The following BIN1 variants were observed in gnomAD, a reference collection of about 807,000 sequenced individuals.
The protein encoded by BIN1 is myc box-dependent-interacting protein 1.
In BIN1, 53 loss-of-function variants were observed where a neutral mutation model predicts 82.0. The observed-to-expected ratio is 0.65, with a 90% confidence interval of 0.52 to 0.81. BIN1 has a LOEUF of 0.81. BIN1 is among the 40% of genes least tolerant of loss of function. BIN1 has a pLI of 0.00. For missense variants in BIN1, 642 were observed against 784.4 expected, an observed-to-expected ratio of 0.82 and a Z score of 2.17; for synonymous variants, 302 against 328.0, an observed-to-expected ratio of 0.92 and a Z score of 0.86.
intron 7 of BIN1, among the ~76,000 whole-genome samples, chr2:127,064,241 G>A (rs529230285): frequency 2.0e-5 from 3 of 152,336 alleles, no homozygotes; most frequent in African/African-American, 2.4e-5. Flanking sequence ...CTGAGCAGCC[G>A]TTGCCAAAGA....
Position 127,068,022 on chromosome 2 carries a change from CAGA to C in BIN1, c.612+138_612+140del. On this transcript the variant is annotated intron_variant, in intron 7 of 18. Transcript: ENST00000316724. The surrounding 1 kb of genome is among the most constrained non-coding windows in gnomAD (Gnocchi z 4.9). ...ATTTGACTTCAGGTCTCCTCTGAAG[CAGA>C]GCTCTCCCAGCAGAGGCCTTTGAAA... The C allele has an allele frequency of 1.2e-6, 1 of 859,682 alleles. No individual in the cohort carries two copies. The highest frequency in any genetic ancestry group is 1.7e-5 in the African/African-American group (1 of 59,902). 53.3% of individuals were successfully genotyped at this position (859,682 alleles called of 1,614,324 possible). A position where few individuals can be genotyped will look rare whatever the true frequency, so the allele number is the denominator to read the frequency against.
intron 10 of BIN1, among the ~76,000 whole-genome samples, chr2:127,061,662 C>G (rs906965704): frequency 1.3e-5 from 2 of 152,170 alleles, no homozygotes; most frequent in African/African-American, 2.4e-5. Flanking sequence ...AGAGGATGCT[C>G]GTGTGGTTGA....
intron 1 of BIN1, among the ~76,000 whole-genome samples, chr2:127,081,548 C>T (rs987905808): frequency 2.0e-5 from 3 of 152,180 alleles, no homozygotes; most frequent in Non-Finnish European, 2.9e-5. Flanking sequence ...GGGATAAGCA[C>T]TTCCCAAGGC....
chr2:127,076,754 G>A (rs1460220360), intron 1 of BIN1, 48 bp from the exon 2 acceptor site: 1 of 1,607,416 alleles, frequency 6.2e-7, no homozygotes. Flanking sequence ...GGAAAGGAGA[G>A]TGGTCAAACC....
At chr2:127,087,362 G>A (rs1678312010) in intron 1 of BIN1, among the ~76,000 whole-genome samples, 1 of 152,208 alleles carries the variant, frequency 6.6e-6, no homozygotes, top group Admixed American at 6.5e-5. Context: ...GTTGACTCCA[G>A]GCCAGGAAGG....
rs1306735669 is a variant in BIN1 at position 127,082,551 on chromosome 2, G to T, written c.85-5845C>A. On this transcript the variant is annotated intron_variant, in intron 1 of 18. Transcript: ENST00000316724. This position sits in a 1 kb window ranked among gnomAD's most constrained non-coding sequence, Gnocchi z 6.1. ...CCTCTCCTGCCCCAAGATGCTGCCT[G>T]CTGTCTGACACATCAGGCTGGGGTG... 6.6e-6 allele frequency among the ~76,000 whole-genome samples: 1 copy of T among 152,180 alleles called. No homozygotes were observed.
chr2:127,070,686 T>G, intron 3 of BIN1, 39 bp from the exon 4 acceptor site: 1 of 1,613,822 alleles, frequency 6.2e-7, no homozygotes, highest in Non-Finnish European at 8.5e-7. Flanking sequence ...CTCCCACTGA[T>G]AGCGCTTGTC....
At chr2:127,081,497 C>T (rs1687286948) in intron 1 of BIN1, among the ~76,000 whole-genome samples, 1 of 152,096 alleles carries the variant, frequency 6.6e-6, no homozygotes, top group South Asian at 2.1e-4. Flanking sequence ...GCTGCACTTG[C>T]GGGACACACA....
rs561283946 is a variant in BIN1, at chr2:127,087,832, G to A, written c.85-11126C>T. 4.9e-4 allele frequency among the ~76,000 whole-genome samples: 74 copies of A among 152,238 alleles called. 1 individual carries two copies. Among genetic ancestry groups the A allele is most frequent in the African/African-American group, 1.7e-3 (72 of 41,538 alleles). Reference sequence around the variant, plus strand: ...CCACCTTCCAACCAGGAGGGCTGGAGGACCCCCTGGATCATGACTGGCTCC... The same window carrying A: ...CCACCTTCCAACCAGGAGGGCTGGAAGACCCCCTGGATCATGACTGGCTCC... On this transcript the variant is annotated intron_variant, in intron 1 of 18. Transcript: ENST00000316724.
intron 4 of BIN1, among the ~76,000 whole-genome samples, 164 bp downstream of exon 4, chr2:127,070,389 C>A (rs1390175603): frequency 6.6e-6 from 1 of 152,190 alleles, no homozygotes; most frequent in East Asian, 1.9e-4. Context: ...GAGGGCGTGT[C>A]AGGAGAAAGG....
intron 12 of BIN1, chr2:127,054,271 A>G: frequency 1.9e-6 from 1 of 523,556 alleles, no homozygotes; most frequent in Non-Finnish European, 3.5e-6. Flanking sequence ...GGACGACCCC[A>G]GTGCCCGCCT....
intron 1 of BIN1, among the ~76,000 whole-genome samples, chr2:127,084,829 C>A (rs540866979): frequency 1.3e-5 from 2 of 152,154 alleles, no homozygotes; most frequent in Admixed American, 1.3e-4. Context: ...CCTTAGGAGG[C>A]CACACTGACT....
chr2:127,076,616 C>T lies in BIN1; in HGVS notation c.165+10G>A. 6.2e-7 allele frequency: 1 copy of T among 1,614,126 alleles called. No homozygotes were observed. Among genetic ancestry groups the T allele is most frequent in the South Asian group, 1.1e-5 (1 of 91,080 alleles). On this transcript the variant is annotated intron_variant, in intron 2 of 18. Transcript: ENST00000316724. ...CAAACTCCCTAAGGCCAAGGGCCAC[C>T]CACACTCACCAGCTGCTTGTTGAAA...
Position 127,048,532 on chromosome 2 carries a change from G to A in BIN1, c.1776C>T (p.Val592=). 1.9e-6 allele frequency: 3 copies of A among 1,613,878 alleles called. No individual in the cohort carries two copies. Among genetic ancestry groups the A allele is most frequent in the Non-Finnish European group, 2.5e-6 (3 of 1,179,996 alleles). The change falls in exon 19 of 19, where the codon GTC becomes GTT. Residue 592 remains valine (V), a synonymous_variant. Transcript: ENST00000316724. ...GVFPENFTER[V]P ...GGCTGCCTGGGCCCCGCCGTCATGG[G>A]ACCCTCTCAGTGAAGTTCTCGGGGA...
chr2:127,053,573 C>G, intron 13 of BIN1, 128 bp from the exon 14 acceptor site: 1 of 1,268,330 alleles, frequency 7.9e-7, no homozygotes, highest in South Asian at 1.3e-5. Context: ...AGGAGTGGCT[C>G]GGAGCCAGGT....
chr2:127,060,883 C>T (rs1684360230), intron 10 of BIN1, among the ~76,000 whole-genome samples: 1 of 152,190 alleles, frequency 6.6e-6, no homozygotes, highest in Non-Finnish European at 1.5e-5. Flanking sequence ...GCAGGAGGCT[C>T]GGGGCAGTGG....
At chr2:127,081,118 C>T (rs1365170385) in intron 1 of BIN1, among the ~76,000 whole-genome samples, 1 of 152,208 alleles carries the variant, frequency 6.6e-6, no homozygotes, top group Non-Finnish European at 1.5e-5. Flanking sequence ...GCATGGCAGG[C>T]AAGGCCCTGA....
intron 1 of BIN1, among the ~76,000 whole-genome samples, chr2:127,083,817 C>T (rs1416848611): frequency 6.6e-6 from 1 of 152,172 alleles, no homozygotes. Flanking sequence ...GGAGAATGCC[C>T]CACACTCTGG....
At chr2:127,049,415 T>A (rs1263327355) in intron 18 of BIN1, among the ~76,000 whole-genome samples, 1 of 152,080 alleles carries the variant, frequency 6.6e-6, no homozygotes, top group African/African-American at 2.4e-5. Context: ...AAGGTCCTCA[T>A]CACTCAGGCC....
Sources: allele counts gnomAD v4.1 joint callset (sites outside exome capture counted in the v4.1 genomes callset), GRCh38; gene constraint gnomAD v4.1.1; non-coding constraint Gnocchi (gnomAD v3.1); transcripts MANE v1.5; gene names NCBI Gene and HGNC (gene_info 2026-07-23, HGNC 2026-07-21).